The following CNTN6 variants were observed in gnomAD, a reference collection of about 807,000 sequenced individuals.
CNTN6 encodes the protein contactin-6.
In CNTN6, 137 loss-of-function variants were observed where a neutral mutation model predicts 122.8. The ratio of observed to expected loss-of-function variants is 1.12; its 90% confidence interval spans 0.97 to 1.29. The LOEUF (loss-of-function observed/expected upper bound fraction) is 1.29, where lower values mean the gene tolerates loss of function less well. Among genes scored for constraint, CNTN6 ranks in the 50% most tolerant of loss-of-function variants. The pLI is 0.00. For synonymous variants in CNTN6, 570 were observed against 426.0 expected, an observed-to-expected ratio of 1.34 and a Z score of -4.16; for missense variants, 1,634 against 1,223.4, an observed-to-expected ratio of 1.34 and a Z score of -5.01.
intron 11 of CNTN6, among the ~76,000 whole-genome samples, chr3:1,343,982 A>G (rs964002953): frequency 1.3e-5 from 2 of 152,196 alleles, no homozygotes; most frequent in African/African-American, 4.8e-5. Flanking sequence ...AAGAAAATTA[A>G]AAGTACAAGA....
intron 1 of CNTN6, among the ~76,000 whole-genome samples, chr3:1,122,793 A>G (rs563008439): frequency 6.6e-6 from 1 of 151,906 alleles, no homozygotes; most frequent in African/African-American, 2.4e-5. Flanking sequence ...ATTGCTCTTT[A>G]TGGCTGAATA....
At chr3:1,378,255 G>A (rs1288567673) in intron 17 of CNTN6, among the ~76,000 whole-genome samples, 1 of 152,168 alleles carries the variant, frequency 6.6e-6, no homozygotes, top group Non-Finnish European at 1.5e-5. Context: ...ACCGTGGGCT[G>A]TCTGGATCTC....
rs753306251 is a variant in CNTN6, at chr3:1,278,499, C to T, written c.445C>T (p.His149Tyr). ...GVVLLCGPPPHFGDLSYAWTF... is the reference protein window; with the variant it reads ...GVVLLCGPPPYFGDLSYAWTF... The stretch of plus-strand genomic sequence containing the variant: ...GGTGCTTCTCTGTGGCCCACCGCCA[C>T]ATTTTGGAGGTATGATGGGGTGATT... The change falls in exon 5 of 23, where the codon CAT (histidine) becomes TAT (tyrosine). Residue 149 changes from histidine (H) to tyrosine (Y), a missense_variant. Transcript: ENST00000446702. 2 of 1,611,388 alleles carry T rather than the reference C, an allele frequency of 1.2e-6. No individual in the cohort carries two copies. Among genetic ancestry groups the T allele is most frequent in the Non-Finnish European group, 1.7e-6 (2 of 1,178,106 alleles).
At chr3:1,239,117 G>A in intron 4 of CNTN6, among the ~76,000 whole-genome samples, 1 of 152,112 alleles carries the variant, frequency 6.6e-6, no homozygotes, top group Non-Finnish European at 1.5e-5. Context: ...ACAAGATAGG[G>A]ATGCCCACTT....
At chr3:1,321,572 T>A (rs1354918039) in intron 7 of CNTN6, 78 bp from the exon 8 acceptor site, 2 of 1,279,538 alleles carry the variant, frequency 1.6e-6, no homozygotes, top group African/African-American at 1.5e-5. Flanking sequence ...TGAGAGTTAT[T>A]TGTATGGATG....
chr3:1,189,266 T>C (rs1217824373), intron 2 of CNTN6, among the ~76,000 whole-genome samples: 2 of 152,126 alleles, frequency 1.3e-5, no homozygotes, highest in East Asian at 1.9e-4. Context: ...AATATAAAAA[T>C]CTCCTTTTGG....
rs73816831 is a variant in CNTN6, at chr3:1,205,900, G to T, written c.56-14787G>T. 4.8e-3 allele frequency among the ~76,000 whole-genome samples: 732 copies of T among 152,238 alleles called. 3 individuals carry two copies. Among genetic ancestry groups the T allele is most frequent in the African/African-American group, 0.017 (694 of 41,560 alleles). Reference sequence around the variant, plus strand: ...TGTTACAAAAGCAAACAAGCAAAAAGTTTGGCTTATTCATTAGGGAAAAAT... The same window carrying T: ...TGTTACAAAAGCAAACAAGCAAAAATTTTGGCTTATTCATTAGGGAAAAAT... On this transcript the variant is annotated intron_variant, in intron 2 of 22. Coordinates refer to ENST00000446702, the MANE Select transcript of CNTN6 (RefSeq NM_001289080.2).
intron 4 of CNTN6, among the ~76,000 whole-genome samples, chr3:1,232,893 A>AG (rs1482389185): frequency 1.3e-5 from 2 of 152,208 alleles, no homozygotes; most frequent in African/African-American, 4.8e-5. Context: ...AAAGTGGTAG[A>AG]GAAAGTACAG....
intron 1 of CNTN6, among the ~76,000 whole-genome samples, chr3:1,107,019 T>A (rs1219581944): frequency 6.6e-6 from 1 of 152,116 alleles, no homozygotes; most frequent in Non-Finnish European, 1.5e-5. Flanking sequence ...CCATTTTCTG[T>A]TTTATTAAGG....
Position 1,401,491 on chromosome 3 carries a change from G to T in CNTN6, c.2763G>T (p.Leu921Phe). 6.2e-7 allele frequency: 1 copy of T among 1,612,042 alleles called. No individual in the cohort carries two copies. The highest frequency in any genetic ancestry group is 1.1e-5 in the South Asian group (1 of 90,962). The change falls in exon 21 of 23, where the codon TTG (leucine) becomes TTT (phenylalanine). Residue 921 changes from leucine (L) to phenylalanine (F), a missense_variant. By Grantham distance (22) the Leu-to-Phe change is conservative. Coordinates refer to ENST00000446702, the MANE Select transcript of CNTN6 (RefSeq NM_001289080.2). ...AGCTGACAAACTCTAAATTATGCTT[G>T]AACTGGGAGCATGTAAAAACCATGG... ...AWKLTNSKLC[L>F]NWEHVKTMEN...
intron 12 of CNTN6, among the ~76,000 whole-genome samples, chr3:1,359,859 C>T (rs1377852859): frequency 1.3e-5 from 2 of 152,042 alleles, no homozygotes; most frequent in East Asian, 3.9e-4. Flanking sequence ...AGAGTATTAG[C>T]TTTGATTTTC....
intron 12 of CNTN6, among the ~76,000 whole-genome samples, chr3:1,369,008 C>A (rs1251201730): frequency 6.6e-6 from 1 of 152,168 alleles, no homozygotes; most frequent in Non-Finnish European, 1.5e-5. Flanking sequence ...TTCGCTTTCA[C>A]TCCTCTATTA....
rs1695987393 is a variant in CNTN6 at position 1,403,423 on chromosome 3, T to C, written c.*5T>C. On this transcript the variant is annotated 3_prime_UTR_variant, in exon 23 of 23. Coordinates refer to ENST00000446702, the MANE Select transcript of CNTN6 (RefSeq NM_001289080.2). The stretch of plus-strand genomic sequence containing the variant: ...GCTATTCAGCCACTTATCTGATGAA[T>C]AAAACCATAAATCTTTGAGAGTTTT... 1.3e-6 allele frequency: 2 copies of C among 1,571,242 alleles called. No homozygotes were observed. The highest frequency in any genetic ancestry group is 3.4e-5 in the Admixed American group (2 of 59,648).
At chr3:1,275,641 GT>G (rs1450352699) in intron 4 of CNTN6, among the ~76,000 whole-genome samples, 1 of 152,124 alleles carries the variant, frequency 6.6e-6, no homozygotes, top group Non-Finnish European at 1.5e-5. Context: ...CCCTAAGCTT[GT>G]TTTCCTGCCA....
intron 7 of CNTN6, among the ~76,000 whole-genome samples, chr3:1,301,825 G>A (rs1697480172): frequency 6.6e-6 from 1 of 152,180 alleles, no homozygotes; most frequent in African/African-American, 2.4e-5. Context: ...CGAAATGTAT[G>A]TGAAAATACT....
chr3:1,094,990 A>G (rs549578673), intron 1 of CNTN6, among the ~76,000 whole-genome samples: 1 of 152,174 alleles, frequency 6.6e-6, no homozygotes, highest in Non-Finnish European at 1.5e-5. Context: ...AATAACAATC[A>G]TGAAATTTGG....
chr3:1,241,488 G>A (rs2094483529), intron 4 of CNTN6, among the ~76,000 whole-genome samples: 2 of 152,024 alleles, frequency 1.3e-5, no homozygotes, highest in Admixed American at 6.6e-5. Flanking sequence ...GTGATGGCCT[G>A]GATATGGTTT....
intron 7 of CNTN6, among the ~76,000 whole-genome samples, chr3:1,314,774 A>G (rs1699860508): frequency 6.6e-6 from 1 of 151,972 alleles, no homozygotes; most frequent in Non-Finnish European, 1.5e-5. Context: ...AGGAAAAGAA[A>G]AAAGAAAAAC....
chr3:1,308,965 A>G (rs1326904523), intron 7 of CNTN6, among the ~76,000 whole-genome samples: 3 of 152,008 alleles, frequency 2.0e-5, no homozygotes, highest in East Asian at 1.9e-4. Flanking sequence ...TCTTTTCTAC[A>G]TTTTTAATTG....
Sources: gnomAD v4.1 joint callset for allele counts (sites outside exome capture counted in the v4.1 genomes callset) on GRCh38, gnomAD v4.1.1 for gene constraint, MANE v1.5 for transcripts, NCBI Gene and HGNC (gene_info 2026-07-23, HGNC 2026-07-21) for gene names.